Variants in NSMCE2 observed in about 807,000 individuals in gnomAD.
NSMCE2 encodes NSE2 SUMO ligase component of SMC5/6 complex.
Under a neutral mutation model 23.8 loss-of-function variants are expected in NSMCE2, and 24 were observed. The ratio of observed to expected loss-of-function variants is 1.01; its 90% confidence interval spans 0.73 to 1.42. The LOEUF is 1.42. Ranked by LOEUF, NSMCE2 falls within the 40% of genes most tolerant of loss-of-function variation. NSMCE2 has a pLI of 0.00. For synonymous variants in NSMCE2, 92 were observed against 94.1 expected (o/e 0.98, Z 0.13); for missense variants, 284 against 296.5 (o/e 0.96, Z 0.31).
intron 3 of NSMCE2, among the ~76,000 whole-genome samples, chr8:125,129,773 C>T (rs902956936): frequency 2.0e-5 from 3 of 152,022 alleles, no homozygotes; most frequent in Non-Finnish European, 2.9e-5. Flanking sequence ...ATTTTGCAAT[C>T]TCTCTCTATC....
chr8:125,217,839 G>C (rs931398177), intron 5 of NSMCE2, among the ~76,000 whole-genome samples: 1 of 150,182 alleles, frequency 6.7e-6, no homozygotes, highest in Non-Finnish European at 1.5e-5. Context: ...TGCTGACCCA[G>C]CCTTTTCCAC....
chr8:125,193,920 A>G (rs1389219136), intron 5 of NSMCE2, among the ~76,000 whole-genome samples: 1 of 152,146 alleles, frequency 6.6e-6, no homozygotes, highest in Non-Finnish European at 1.5e-5. Flanking sequence ...TATGTCGTTG[A>G]TTTATTTGCC....
intron 5 of NSMCE2, among the ~76,000 whole-genome samples, chr8:125,223,312 T>C (rs34931746): frequency 1.3e-5 from 2 of 151,932 alleles, no homozygotes; most frequent in African/African-American, 4.8e-5. Context: ...GAGTCAAGAT[T>C]GCACCACTGC....
At chr8:125,150,256 A>G (rs1820923155) in intron 3 of NSMCE2, among the ~76,000 whole-genome samples, 1 of 152,034 alleles carries the variant, frequency 6.6e-6, no homozygotes, top group African/African-American at 2.4e-5. Flanking sequence ...TTACTGTGGG[A>G]TAGTATGTAA....
At chr8:125,277,513 T>C (rs546046820) in intron 5 of NSMCE2, among the ~76,000 whole-genome samples, 19 of 151,956 alleles carry the variant, frequency 1.3e-4, no homozygotes, top group South Asian at 1.0e-3. Context: ...TCTTCTTCTT[T>C]TTTTTTTTTT....
intron 3 of NSMCE2, among the ~76,000 whole-genome samples, chr8:125,103,821 T>G (rs985526076): frequency 6.6e-6 from 1 of 151,044 alleles, no homozygotes; most frequent in Non-Finnish European, 1.5e-5. Context: ...AACAAAGAAT[T>G]AAGTAGAATC....
intron 5 of NSMCE2, among the ~76,000 whole-genome samples, chr8:125,319,437 A>G (rs1829336519): frequency 6.6e-6 from 1 of 152,212 alleles, no homozygotes; most frequent in Non-Finnish European, 1.5e-5. Context: ...TAGGAAAGGC[A>G]TTAAAACAAT....
chr8:125,119,646 T>C (rs1819177240), intron 3 of NSMCE2, among the ~76,000 whole-genome samples: 1 of 152,184 alleles, frequency 6.6e-6, no homozygotes, highest in Non-Finnish European at 1.5e-5. Context: ...AGATGACAGC[T>C]TATGGAAGAA....
At chr8:125,143,687 C>T (rs905720262) in intron 3 of NSMCE2, among the ~76,000 whole-genome samples, 15 of 152,132 alleles carry the variant, frequency 9.9e-5, no homozygotes, top group Non-Finnish European at 1.9e-4. Context: ...TCTGATTCTG[C>T]GATTTTTATT....
chr8:125,096,437 G>A (rs931878049), intron 1 of NSMCE2, among the ~76,000 whole-genome samples: 2 of 151,952 alleles, frequency 1.3e-5, no homozygotes, highest in South Asian at 2.1e-4. Flanking sequence ...TATTTTTGAG[G>A]ATTATTTTTT....
At chr8:125,119,697 A>G (rs557187202) in intron 3 of NSMCE2, among the ~76,000 whole-genome samples, 1 of 152,328 alleles carries the variant, frequency 6.6e-6, no homozygotes, top group African/African-American at 2.4e-5. Context: ...GAGACATCAG[A>G]TTCCTTTTTA....
chr8:125,100,913 T>C (rs1031459413), intron 1 of NSMCE2, among the ~76,000 whole-genome samples: 2 of 152,182 alleles, frequency 1.3e-5, no homozygotes, highest in African/African-American at 4.8e-5. Flanking sequence ...TGATAGGTTT[T>C]CATCAAATTA....
At chr8:125,317,039 T>G (rs1319853202) in intron 5 of NSMCE2, among the ~76,000 whole-genome samples, 9 of 151,814 alleles carry the variant, frequency 5.9e-5, no homozygotes, top group South Asian at 2.1e-4. Flanking sequence ...CCACCTGCCT[T>G]GGCCTCCCAA....
intron 5 of NSMCE2, among the ~76,000 whole-genome samples, chr8:125,209,324 A>G (rs1418653736): frequency 2.6e-5 from 4 of 152,202 alleles, no homozygotes; most frequent in East Asian, 3.8e-4. Context: ...AGTGATGTCA[A>G]CTGGGTACTT....
At chr8:125,258,191 T>G (rs967608461) in intron 5 of NSMCE2, among the ~76,000 whole-genome samples, 7 of 152,212 alleles carry the variant, frequency 4.6e-5, no homozygotes, top group Non-Finnish European at 1.0e-4. Context: ...GCTGATGGAC[T>G]TAATTTTTTT....
intron 5 of NSMCE2, among the ~76,000 whole-genome samples, chr8:125,204,250 A>C (rs887919869): frequency 6.6e-6 from 1 of 152,246 alleles, no homozygotes; most frequent in Non-Finnish European, 1.5e-5. Flanking sequence ...TTACCTTGGC[A>C]GACCTGGGCA....
At chr8:125,103,232 G>A (rs911452965) in intron 3 of NSMCE2, among the ~76,000 whole-genome samples, 6 of 152,118 alleles carry the variant, frequency 3.9e-5, no homozygotes, top group Non-Finnish European at 7.4e-5. Flanking sequence ...CTTGAACCCG[G>A]GAGGTGGAGG....
chr8:125,117,661 G>A (rs952294730), intron 3 of NSMCE2, among the ~76,000 whole-genome samples: 3 of 152,082 alleles, frequency 2.0e-5, no homozygotes, highest in East Asian at 1.9e-4. Context: ...GACCAGAGGC[G>A]TGCACCACGA....
intron 4 of NSMCE2, among the ~76,000 whole-genome samples, chr8:125,173,186 G>GT (rs1434630266): frequency 6.6e-6 from 1 of 152,228 alleles, no homozygotes; most frequent in Admixed American, 6.5e-5. Flanking sequence ...CTAGGTTGCA[G>GT]TTTAAGCTTC....
Sources: gnomAD v4.1 joint callset for allele counts (sites outside exome capture counted in the v4.1 genomes callset) on GRCh38, gnomAD v4.1.1 for gene constraint, MANE v1.5 for transcripts, NCBI Gene and HGNC (gene_info 2026-07-23, HGNC 2026-07-21) for gene names.